Variants in ZC3H14 observed in about 807,000 individuals in gnomAD.
ZC3H14 encodes the protein zinc finger CCCH-type containing 14.
In ZC3H14, 31 loss-of-function variants were observed where a neutral mutation model predicts 92.4. The ratio of observed to expected loss-of-function variants is 0.34; its 90% CI spans 0.25 to 0.45. ZC3H14 has a LOEUF of 0.45. Ranked by LOEUF, ZC3H14 falls within the 20% of genes least tolerant of loss-of-function variation. The pLI, the probability that ZC3H14 is intolerant of heterozygous loss-of-function variation, is 1.00. For missense variants in ZC3H14, 781 were observed against 897.3 expected (o/e 0.87, Z 1.66); for synonymous variants, 321 against 300.9 (o/e 1.07, Z -0.69).
At position 88,572,655 on chromosome 14, in the gene ZC3H14, A is replaced by C; in HGVS notation, c.509A>C (p.Asp170Ala). 6.2e-7 allele frequency: 1 copy of C among 1,614,184 alleles called. No individual in the cohort carries two copies. The highest frequency in any genetic ancestry group is 8.5e-7 in the Non-Finnish European group (1 of 1,180,034). Residue 170 changes from aspartate to alanine, a missense_variant, in exon 6 of 17, where the codon GAT becomes GCT. By Grantham distance (126) the Asp-to-Ala change is moderately radical (BLOSUM62 -2). Transcript: ENST00000251038. ...TTGAGGGAGCCAGCACCCTCTGAAG[A>C]TGTGATTGATATTAAGCCAGAACCA... is the stretch of plus-strand genomic sequence containing the variant. ...KPLREPAPSE[D>A]VIDIKPEPDD...
At chr14:88,598,999 C>G (rs1013379204) in intron 10 of ZC3H14, among the ~76,000 whole-genome samples, 1 of 152,162 alleles carries the variant, frequency 6.6e-6, no homozygotes, top group Non-Finnish European at 1.5e-5. Context: ...GAGGCAGGAG[C>G]CTTGCTTGAA....
At chr14:88,585,304 A>T (rs1365330307) in intron 9 of ZC3H14, among the ~76,000 whole-genome samples, 2 of 150,528 alleles carry the variant, frequency 1.3e-5, no homozygotes, top group Non-Finnish European at 3.0e-5. Context: ...TTCATTAATT[A>T]CTGTTATTGT....
rs769219360 is a variant in ZC3H14 at position 88,596,778 on chromosome 14, G to T, written c.1324G>T (p.Val442Leu). The T allele has an allele frequency of 1.9e-6, 3 of 1,614,078 alleles. No homozygotes were observed. Among genetic ancestry groups the T allele is most frequent in the Middle Eastern group, 1.7e-4 (1 of 6,060 alleles). Residue 442 changes from valine (V) to leucine (L), a missense_variant, in exon 10 of 17, where the codon GTA becomes TTA. Physicochemically the swap from Val to Leu is conservative, Grantham distance 32. Transcript: ENST00000251038. ...QLLSRLQIDP[V>L]MAETLQMSQD... ...ATTATCCCGACTGCAAATCGACCCA[G>T]TAATGGCAGAAACTCTGCAGATGAG...
intron 13 of ZC3H14, among the ~76,000 whole-genome samples, chr14:88,607,915 C>T (rs776475321): frequency 2.6e-4 from 27 of 103,606 alleles, no homozygotes; most frequent in South Asian, 3.9e-4. Context: ...TCATCCCCCA[C>T]CTCACCCTGC....
At chr14:88,595,516 T>C (rs148075721) in intron 9 of ZC3H14, among the ~76,000 whole-genome samples, 3 of 152,308 alleles carry the variant, frequency 2.0e-5, no homozygotes, top group Non-Finnish European at 1.5e-5. Context: ...CACCTCAGTT[T>C]TCCAAGCTTC....
In ZC3H14 at chr14:88,602,809, T is replaced by A; in HGVS notation, c.1515-19T>A. On this transcript the variant is annotated intron_variant, in intron 11 of 16. Coordinates refer to ENST00000251038, the MANE Select transcript of ZC3H14 (RefSeq NM_024824.5). ...TGTTTGTTTCCCTAATTCTATGGTA[T>A]TTTTTATCTGTCTGGCAGAGATCTT... 1 of 1,612,768 alleles carries A rather than the reference T, an allele frequency of 6.2e-7. No individual in the cohort carries two copies.
At position 88,618,865 on chromosome 14, in the gene ZC3H14, A is replaced by C. The variant is rs2088268568; in HGVS notation, c.*7114A>C. 6.7e-7 allele frequency: 1 copy of C among 1,482,170 alleles called. No homozygotes were observed. The highest frequency in any genetic ancestry group is 2.5e-5 in the East Asian group (1 of 40,416). The allele number at this position is 1,482,170 out of a possible 1,614,324, so 91.8% of individuals were successfully genotyped here. A position where few individuals can be genotyped will look rare whatever the true frequency, so the allele number is the denominator to read the frequency against. ...TTAGACCACATGAAGTATTATAAAT[A>C]CTTAAGATCAGTGACTTTTCCTTTC... On this transcript the variant is annotated 3_prime_UTR_variant, in exon 17 of 17. Coordinates refer to ENST00000251038, the MANE Select transcript of ZC3H14 (RefSeq NM_024824.5).
chr14:88,575,334 A>T (rs771071508), intron 7 of ZC3H14, among the ~76,000 whole-genome samples: 3 of 152,188 alleles, frequency 2.0e-5, no homozygotes, highest in Non-Finnish European at 4.4e-5. Context: ...GATTGCAGAG[A>T]ATATTGACTA....
rs1239380030 is a variant in ZC3H14, at chr14:88,607,253, T to A, written c.1758T>A (p.Ser586Arg). 1 of 1,613,854 alleles carries A rather than the reference T, an allele frequency of 6.2e-7. No individual in the cohort carries two copies. The highest frequency in any genetic ancestry group is 2.2e-5 in the East Asian group (1 of 44,894). The change falls in exon 13 of 17, where the codon AGT becomes AGA. Residue 586 changes from serine (S) to arginine (R), a missense_variant. By Grantham distance (110) the Ser-to-Arg change is moderately radical (BLOSUM62 -1). Transcript: ENST00000251038. ...PNGSFSNAEM[S>R]ELSVAQKPEK... ...CCTTTCCCTTTGTAGCTGAGATGAG[T>A]GAACTGAGTGTGGCACAGAAACCAG... is the stretch of plus-strand genomic sequence containing the variant.
chr14:88,563,776 T>C, intron 2 of ZC3H14, 83 bp downstream of exon 2: 2 of 1,326,854 alleles, frequency 1.5e-6, no homozygotes, highest in South Asian at 1.2e-5. Flanking sequence ...TTTCTCACCG[T>C]ACTTTGGACA....
rs961308679 is a variant in ZC3H14 at position 88,615,747 on chromosome 14, G to A, written c.*3996G>A. On this transcript the variant is annotated 3_prime_UTR_variant, in exon 17 of 17. Coordinates refer to ENST00000251038, the MANE Select transcript of ZC3H14 (RefSeq NM_024824.5). The stretch of plus-strand genomic sequence containing the variant: ...GGGTTAGCACCACTTGACCATGCAG[G>A]GTTGGGTTTTGGTTTTTCTTCTCTG... The A allele has an allele frequency of 1.6e-4, 235 of 1,467,838 alleles. 2 individuals carry two copies. The highest frequency in any genetic ancestry group is 1.7e-5 in the Non-Finnish European group (18 of 1,068,624). The allele number at this position is 1,467,838 out of a possible 1,614,324, so 90.9% of individuals were successfully genotyped here.
intron 8 of ZC3H14, among the ~76,000 whole-genome samples, chr14:88,576,328 T>C (rs916878161): frequency 3.9e-5 from 6 of 152,228 alleles, no homozygotes; most frequent in Non-Finnish European, 7.3e-5. Flanking sequence ...TCTGAAGTTA[T>C]AGAAATTTGT....
chr14:88,618,520 G>T lies in ZC3H14; in HGVS notation c.*6769G>T. 8.4e-7 allele frequency: 1 copy of T among 1,191,608 alleles called. No homozygotes were observed. The highest frequency in any genetic ancestry group is 1.2e-6 in the Non-Finnish European group (1 of 856,750). The allele number at this position is 1,191,608 out of a possible 1,614,324, so 73.8% of individuals were successfully genotyped here. A position where few individuals can be genotyped will look rare whatever the true frequency, so the allele number is the denominator to read the frequency against. On this transcript the variant is annotated 3_prime_UTR_variant, in exon 17 of 17. Transcript: ENST00000251038. ...AGTGGGGGAGGAAAGGGGAGCTGTA[G>T]GTCAGAAGGTACAAAGGGAGGAGTT...
rs1351549737 is a variant in ZC3H14 at position 88,578,096 on chromosome 14, T to C, written c.1235T>C (p.Ile412Thr). 1 of 1,613,892 alleles carries C rather than the reference T, an allele frequency of 6.2e-7. No individual in the cohort carries two copies. Among genetic ancestry groups the C allele is most frequent in the Admixed American group, 1.7e-5 (1 of 59,998 alleles). ...AGGACCCCCAGAATAAGTCCCCCCA[T>C]TAAAGAAGAGGAAACAAAAGGAGAT... is the stretch of plus-strand genomic sequence containing the variant. Reference protein sequence around the residue: ...QSRTPRISPPIKEEETKGDSV... With the variant: ...QSRTPRISPPTKEEETKGDSV... Residue 412 changes from isoleucine to threonine, a missense_variant, in exon 9 of 17, where the codon ATT (isoleucine) becomes ACT (threonine). By Grantham distance (89) the Ile-to-Thr change is moderately conservative. Around this residue, in one of 3 missense-constraint regions of ZC3H14, gnomAD observed 454 missense variants for 438.5 expected, o/e 1.04. Transcript: ENST00000251038.
chr14:88,601,816 T>G, intron 10 of ZC3H14, 108 bp from the exon 11 acceptor site: 1 of 1,326,402 alleles, frequency 7.5e-7, no homozygotes, highest in Non-Finnish European at 1.0e-6. Context: ...GATTTTCCTT[T>G]GAAATAATTT....
At chr14:88,586,336 AT>A (rs1027131502) in intron 9 of ZC3H14, among the ~76,000 whole-genome samples, 6 of 152,122 alleles carry the variant, frequency 3.9e-5, no homozygotes, top group Non-Finnish European at 7.4e-5. Flanking sequence ...TTTTTGAAGT[AT>A]TTTTTTGGAA....
Position 88,614,994 on chromosome 14 carries a change from T to G in ZC3H14, c.*3243T>G, listed in dbSNP as rs2087359128. ...TATTAGACTACATTAAATATGCAAT[T>G]CTTTCTTCCAGTTAAATACTGTTGC... On this transcript the variant is annotated 3_prime_UTR_variant, in exon 17 of 17. Coordinates refer to ENST00000251038, the MANE Select transcript of ZC3H14 (RefSeq NM_024824.5). The G allele has an allele frequency of 6.6e-6, 1 of 152,198 alleles. No homozygotes were observed. The allele number at this position is 152,198 out of a possible 1,614,324, so 9.4% of individuals were successfully genotyped here.
rs1282872641 is a variant in ZC3H14 at position 88,615,770 on chromosome 14, C to G, written c.*4019C>G. ...AGGGTTGGGTTTTGGTTTTTCTTCT[C>G]TGTAATTCTGGTCTCAAAGTTAATT... is the stretch of plus-strand genomic sequence containing the variant. On this transcript the variant is annotated 3_prime_UTR_variant, in exon 17 of 17. Transcript: ENST00000251038. 1.9e-6 allele frequency: 3 copies of G among 1,589,066 alleles called. No homozygotes were observed. The highest frequency in any genetic ancestry group is 1.2e-5 in the South Asian group (1 of 86,548).
rs931855973 is a variant in ZC3H14, at chr14:88,620,610, A to G, written c.*8859A>G. ...AAGAAGAATTAAGTAGTATACAAAC[A>G]GCCATATTTTAGCATACAATTTATA... On this transcript the variant is annotated 3_prime_UTR_variant, in exon 17 of 17. Coordinates refer to ENST00000251038, the MANE Select transcript of ZC3H14 (RefSeq NM_024824.5). This position sits in a 1 kb window ranked among gnomAD's most constrained non-coding sequence, Gnocchi z 4.3. 3 of 646,144 alleles carry G rather than the reference A, an allele frequency of 4.6e-6. No homozygotes were observed. The African/African-American group carries it at 5.7e-5, about 12-fold the overall frequency. The allele number at this position is 646,144 out of a possible 1,614,324, so 40.0% of individuals were successfully genotyped here.
Sources: allele counts gnomAD v4.1 joint callset (sites outside exome capture counted in the v4.1 genomes callset), GRCh38; gene constraint gnomAD v4.1.1; regional missense constraint gnomAD v4.1.1; non-coding constraint Gnocchi (gnomAD v3.1); transcripts MANE v1.5; gene names NCBI Gene and HGNC (gene_info 2026-07-23, HGNC 2026-07-21).